The following STXBP5L variants were observed in gnomAD, a reference collection of about 807,000 sequenced individuals.
The protein encoded by STXBP5L is syntaxin binding protein 5L, also known as syntaxin-binding protein 5-like.
A neutral mutation model predicts 144.5 loss-of-function variants in STXBP5L; 65 were observed. The ratio of observed to expected loss-of-function variants is 0.45; its 90% CI spans 0.37 to 0.55. The LOEUF (loss-of-function observed/expected upper bound fraction) is 0.55. STXBP5L is among the 20% of genes least tolerant of loss of function. The pLI, the probability that STXBP5L is intolerant of heterozygous loss-of-function variation, is 0.00. For missense variants in STXBP5L, 1,298 were observed against 1,405.5 expected (o/e 0.92, Z 1.22); for synonymous variants, 505 against 469.6 (o/e 1.08, Z -0.97).
intron 3 of STXBP5L, among the ~76,000 whole-genome samples, chr3:121,022,419 C>A (rs1246878599): frequency 6.6e-6 from 1 of 151,462 alleles, no homozygotes; most frequent in African/African-American, 2.4e-5. Flanking sequence ...CTCTCTAAAT[C>A]AAATCCTAAT....
chr3:121,234,988 GTA>G (rs1024073083), intron 12 of STXBP5L, among the ~76,000 whole-genome samples: 26 of 149,158 alleles, frequency 1.7e-4, no homozygotes, highest in Non-Finnish European at 2.7e-4. Context: ...ACTTTCTTCA[GTA>G]TATATATATA....
rs116870652 is a variant in STXBP5L, at chr3:121,362,661, G to C, written c.2177-16055G>C. On this transcript the variant is annotated intron_variant, in intron 20 of 26. Coordinates refer to ENST00000471454, the MANE Select transcript of STXBP5L (RefSeq NM_001308330.2). ...TACCCTCTGGCCCAGGACAGGTCTA[G>C]AAATGCCATCTAAGAGTCATGTCCT... is the stretch of plus-strand genomic sequence containing the variant. Among the ~76,000 whole-genome samples the C allele has an allele frequency of 2.2e-4, 33 of 152,240 alleles. No homozygotes were observed. In the East Asian group the frequency reaches 6.0e-3, roughly 28 times the overall value.
intron 22 of STXBP5L, among the ~76,000 whole-genome samples, chr3:121,399,704 A>T (rs754151416): frequency 2.6e-5 from 4 of 152,242 alleles, no homozygotes; most frequent in Admixed American, 2.0e-4. Flanking sequence ...ACCTTTAAGC[A>T]GTTTTCGGCC....
intron 20 of STXBP5L, among the ~76,000 whole-genome samples, chr3:121,375,484 C>T (rs968098666): frequency 2.0e-5 from 3 of 152,170 alleles, no homozygotes; most frequent in Non-Finnish European, 4.4e-5. Context: ...CTGATTATTA[C>T]GTATGTGATA....
intron 2 of STXBP5L, among the ~76,000 whole-genome samples, chr3:120,911,830 A>G (rs1708856442): frequency 6.6e-6 from 1 of 152,066 alleles, no homozygotes; most frequent in Admixed American, 6.5e-5. Flanking sequence ...TATTATAATT[A>G]CCTGGTCTAT....
chr3:121,362,414 T>G (rs2045738068), intron 20 of STXBP5L, among the ~76,000 whole-genome samples: 1 of 152,182 alleles, frequency 6.6e-6, no homozygotes, highest in African/African-American at 2.4e-5. Context: ...CCAGAAGTGC[T>G]GTCTGGGAGC....
At chr3:121,089,064 C>T (rs1232845461) in intron 5 of STXBP5L, among the ~76,000 whole-genome samples, 1 of 87,528 alleles carries the variant, frequency 1.1e-5, no homozygotes, top group African/African-American at 5.0e-5. Context: ...GCACAATGTG[C>T]ACATGTACCC....
Position 121,326,616 on chromosome 3 carries a change from A to G in STXBP5L, c.2176+8076A>G, listed in dbSNP as rs147795615. 3.7e-3 allele frequency among the ~76,000 whole-genome samples: 558 copies of G among 152,194 alleles called. 2 individuals carry two copies. The highest frequency in any genetic ancestry group is 6.5e-3 in the Non-Finnish European group (443 of 67,928). ...TGGTATCTTCTGTATCAAGGAGATT[A>G]TGTTGCTTAGTGGAAATGGCATAGC... On this transcript the variant is annotated intron_variant, in intron 20 of 26. Transcript: ENST00000471454.
At chr3:121,325,211 C>T (rs1274140819) in intron 20 of STXBP5L, among the ~76,000 whole-genome samples, 1 of 151,950 alleles carries the variant, frequency 6.6e-6, no homozygotes, top group Non-Finnish European at 1.5e-5. Context: ...TGACTGTGGC[C>T]AGTTTTACAA....
chr3:121,115,531 A>G (rs2044195333), intron 6 of STXBP5L, among the ~76,000 whole-genome samples: 1 of 152,192 alleles, frequency 6.6e-6, no homozygotes, highest in Non-Finnish European at 1.5e-5. Flanking sequence ...ATTGATGGCA[A>G]TTACCACTTT....
At chr3:120,922,627 A>G (rs73185422) in intron 2 of STXBP5L, among the ~76,000 whole-genome samples, 6,043 of 151,806 alleles carry the variant, frequency 0.04, 168 homozygotes, top group Middle Eastern at 0.082. Context: ...TATTATTTTG[A>G]GGTATGTTTT....
chr3:121,345,674 T>C (rs1347753749), intron 20 of STXBP5L, among the ~76,000 whole-genome samples: 6 of 152,088 alleles, frequency 3.9e-5, no homozygotes, highest in African/African-American at 9.7e-5. Flanking sequence ...GCATCTGTTG[T>C]TTCCTGACTT....
At chr3:121,204,957 A>G (rs913766235) in intron 9 of STXBP5L, among the ~76,000 whole-genome samples, 2 of 152,202 alleles carry the variant, frequency 1.3e-5, no homozygotes, top group Admixed American at 1.3e-4. Context: ...CAAAATGAAT[A>G]CATCATTAAA....
At chr3:120,994,577 A>T (rs919032637) in intron 3 of STXBP5L, among the ~76,000 whole-genome samples, 1 of 151,912 alleles carries the variant, frequency 6.6e-6, no homozygotes, top group Non-Finnish European at 1.5e-5. Context: ...TTGTTGATGT[A>T]TTTCATTTAC....
At chr3:120,975,751 G>A (rs1940909304) in intron 3 of STXBP5L, among the ~76,000 whole-genome samples, 1 of 152,168 alleles carries the variant, frequency 6.6e-6, no homozygotes, top group South Asian at 2.1e-4. Flanking sequence ...TTTTTAGCAT[G>A]AAGAGTTGTT....
chr3:120,977,733 A>G (rs184159968), intron 3 of STXBP5L, among the ~76,000 whole-genome samples: 67 of 152,242 alleles, frequency 4.4e-4, no homozygotes, highest in African/African-American at 1.6e-3. Context: ...CTTTTAGGGC[A>G]GGCCTGGTGG....
At chr3:121,038,678 G>T (rs966390832) in intron 3 of STXBP5L, among the ~76,000 whole-genome samples, 6 of 151,730 alleles carry the variant, frequency 4.0e-5, no homozygotes, top group Non-Finnish European at 7.4e-5. Flanking sequence ...ATTAGTTATC[G>T]AGAAAGGGGT....
chr3:120,950,840 T>A (rs1711171970), intron 2 of STXBP5L, among the ~76,000 whole-genome samples: 1 of 151,946 alleles, frequency 6.6e-6, no homozygotes, highest in Non-Finnish European at 1.5e-5. Flanking sequence ...AGAGCCAGCA[T>A]CGCCAAGTCA....
At chr3:120,929,254 C>T (rs1709795961) in intron 2 of STXBP5L, among the ~76,000 whole-genome samples, 1 of 152,070 alleles carries the variant, frequency 6.6e-6, no homozygotes, top group Non-Finnish European at 1.5e-5. Context: ...ACTTCCCAGA[C>T]TGGTTGCTGC....
Sources: allele counts gnomAD v4.1 joint callset (sites outside exome capture counted in the v4.1 genomes callset), GRCh38; gene constraint gnomAD v4.1.1; transcripts MANE v1.5; gene names NCBI Gene and HGNC (gene_info 2026-07-23, HGNC 2026-07-21).